Variants in SAMD3 observed in about 807,000 individuals in gnomAD.
SAMD3 encodes sterile alpha motif domain-containing protein 3.
A neutral mutation model predicts 58.5 loss-of-function variants in SAMD3; 63 were observed. The observed-to-expected ratio is 1.08, with a 90% CI of 0.88 to 1.33. SAMD3 has a LOEUF of 1.33. Ranked by LOEUF, SAMD3 falls within the 40% of genes most tolerant of loss-of-function variation. The pLI, the probability that SAMD3 is intolerant of heterozygous loss-of-function variation, is 0.00. For synonymous variants in SAMD3, 220 were observed against 210.3 expected, an observed-to-expected ratio of 1.05 and a Z score of -0.40; for missense variants, 604 against 608.4, an observed-to-expected ratio of 0.99 and a Z score of 0.08.
intron 1 of SAMD3, among the ~76,000 whole-genome samples, chr6:130,333,432 G>A (rs1429819365): frequency 2.0e-5 from 3 of 152,058 alleles, no homozygotes; most frequent in Non-Finnish European, 2.9e-5. Context: ...CTAAGATTCC[G>A]AGATGTATAT....
intron 1 of SAMD3, among the ~76,000 whole-genome samples, chr6:130,364,494 A>G (rs929586018): frequency 1.3e-5 from 2 of 152,018 alleles, no homozygotes; most frequent in African/African-American, 4.8e-5. Flanking sequence ...GTTTCTTTAT[A>G]AAATGTAGAG....
intron 2 of SAMD3, among the ~76,000 whole-genome samples, chr6:130,259,607 G>A (rs145462401): frequency 1.6e-3 from 240 of 152,268 alleles, no homozygotes; most frequent in African/African-American, 5.3e-3. Flanking sequence ...ACAGTGAATA[G>A]AAACAGGCCC....
At chr6:130,175,804 T>A in intron 8 of SAMD3, 37 bp downstream of exon 8, 1 of 1,344,968 alleles carries the variant, frequency 7.4e-7, no homozygotes, top group Non-Finnish European at 1.1e-6. Context: ...TATATCAATC[T>A]ATCAAGTCAT....
At chr6:130,250,889 C>CTACA (rs1382726186) in intron 2 of SAMD3, among the ~76,000 whole-genome samples, 1 of 152,116 alleles carries the variant, frequency 6.6e-6, no homozygotes, top group Non-Finnish European at 1.5e-5. Context: ...ATGAATACTG[C>CTACA]TGCTACAAAC....
At chr6:130,324,892 C>T (rs1203259544) in intron 1 of SAMD3, among the ~76,000 whole-genome samples, 2 of 152,048 alleles carry the variant, frequency 1.3e-5, no homozygotes, top group African/African-American at 4.8e-5. Flanking sequence ...GTGCCTCACA[C>T]TGTGAGGCTG....
intron 2 of SAMD3, among the ~76,000 whole-genome samples, chr6:130,246,295 T>C (rs1773544525): frequency 6.6e-6 from 1 of 152,128 alleles, no homozygotes; most frequent in Non-Finnish European, 1.5e-5. Context: ...ACAGTAAAAA[T>C]TTTGAAAGCC....
At chr6:130,318,906 A>G (rs1776486893) in intron 1 of SAMD3, among the ~76,000 whole-genome samples, 1 of 152,234 alleles carries the variant, frequency 6.6e-6, no homozygotes, top group South Asian at 2.1e-4. Flanking sequence ...GATATTCCAT[A>G]TATTTATGGA....
intron 5 of SAMD3, among the ~76,000 whole-genome samples, chr6:130,186,866 G>A (rs1325529082): frequency 6.6e-6 from 1 of 150,406 alleles, no homozygotes; most frequent in Admixed American, 6.6e-5. Context: ...CGCCTCCCGG[G>A]TTCAAGCGAT....
intron 8 of SAMD3, among the ~76,000 whole-genome samples, chr6:130,175,243 G>C (rs1791611639): frequency 6.6e-6 from 1 of 152,142 alleles, no homozygotes; most frequent in Non-Finnish European, 1.5e-5. Flanking sequence ...GGTAGAAAAG[G>C]AATATATATA....
Position 130,144,536 on chromosome 6 carries a change from TG to T in SAMD3, c.1546del (p.Gln516SerfsTer24), listed in dbSNP as rs1189866721. 6.2e-7 allele frequency: 1 copy of T among 1,613,962 alleles called. No individual in the cohort carries two copies. Among genetic ancestry groups the T allele is most frequent in the Non-Finnish European group, 8.5e-7 (1 of 1,179,916 alleles). On this transcript the variant is annotated frameshift_variant, in exon 12 of 12. Coordinates refer to ENST00000439090, the MANE Select transcript of SAMD3 (RefSeq NM_001017373.4). LOFTEE classifies it high-confidence loss of function. ...LKEKENEVGF[Q>X]HPLT ...GGCATGCTATTAAGTGAGTGGGTGC[TG>T]AAATCCTACTTCGTTTTCCTTTTCT...
In SAMD3 at chr6:130,158,754, G is replaced by A. The variant is rs139536687; in HGVS notation, c.823-3729C>T. On this transcript the variant is annotated intron_variant, in intron 8 of 11. Transcript: ENST00000439090. ...AAAGTATACTCCACAGAGTGGGAGC[G>A]GGCTCAAGCTGGCTGCTCAAGAGAA... is the stretch of plus-strand genomic sequence containing the variant. Among the ~76,000 whole-genome samples, 392 of 152,226 alleles carry A rather than the reference G, an allele frequency of 2.6e-3. 1 individual carries two copies. Among genetic ancestry groups the A allele is most frequent in the African/African-American group, 8.9e-3 (369 of 41,552 alleles).
intron 1 of SAMD3, among the ~76,000 whole-genome samples, chr6:130,349,300 T>G (rs1777569656): frequency 1.3e-5 from 2 of 152,202 alleles, no homozygotes; most frequent in East Asian, 1.9e-4. Flanking sequence ...GATGGTTTTT[T>G]GAAAAGATCA....
At chr6:130,295,099 T>G (rs1775523100) in intron 2 of SAMD3, among the ~76,000 whole-genome samples, 1 of 151,952 alleles carries the variant, frequency 6.6e-6, no homozygotes, top group Non-Finnish European at 1.5e-5. Context: ...AATTTTGTAT[T>G]TTTAGTAGAG....
At chr6:130,330,670 T>C (rs1776904146) in intron 1 of SAMD3, among the ~76,000 whole-genome samples, 1 of 152,160 alleles carries the variant, frequency 6.6e-6, no homozygotes, top group Non-Finnish European at 1.5e-5. Flanking sequence ...AAGCCAGGAA[T>C]TTGTAGCAAC....
intron 2 of SAMD3, among the ~76,000 whole-genome samples, chr6:130,269,297 C>G (rs7745717): frequency 0.12 from 18,779 of 152,102 alleles, 2,973 homozygotes; most frequent in African/African-American, 0.37. Context: ...GTTCTCTATT[C>G]TTTTTGAAAT....
intron 2 of SAMD3, among the ~76,000 whole-genome samples, chr6:130,277,562 A>AT (rs1774822598): frequency 1.3e-5 from 2 of 151,854 alleles, no homozygotes; most frequent in South Asian, 4.2e-4. Context: ...TCCTTTTTCT[A>AT]TTTTTTCTCC....
At chr6:130,365,406 G>A (rs1267352054) in exon 1 of SAMD3, 1 of 985,344 alleles carries the variant, frequency 1.0e-6, no homozygotes, top group African/African-American at 1.7e-5. Flanking sequence ...TGGACGGAGC[G>A]GGCCTTGGCC....
At chr6:130,213,133 T>TAAAA (rs1795710579) in intron 4 of SAMD3, among the ~76,000 whole-genome samples, 1 of 151,706 alleles carries the variant, frequency 6.6e-6, no homozygotes, top group Non-Finnish European at 1.5e-5. Context: ...AAAATAAAAA[T>TAAAA]AAACATAAAA....
At chr6:130,155,772 A>C (rs1057117256) in intron 8 of SAMD3, among the ~76,000 whole-genome samples, 1 of 152,210 alleles carries the variant, frequency 6.6e-6, no homozygotes, top group African/African-American at 2.4e-5. Context: ...CAATCCTCTT[A>C]TATCAAGGCT....
Sources: gnomAD v4.1 joint callset for allele counts (sites outside exome capture counted in the v4.1 genomes callset) on GRCh38, gnomAD v4.1.1 for gene constraint, MANE v1.5 for transcripts, NCBI Gene and HGNC (gene_info 2026-07-23, HGNC 2026-07-21) for gene names.